The following ARHGAP17 variants were observed in gnomAD, a reference collection of about 807,000 sequenced individuals.
ARHGAP17 encodes the protein Rho GTPase activating protein 17, also known as rho GTPase-activating protein 17.
ARHGAP17 carries 57 observed loss-of-function variants against 99.5 expected under a neutral mutation model. That is an observed-to-expected ratio of 0.57 (90% CI 0.46 to 0.71). The LOEUF (loss-of-function observed/expected upper bound fraction) is 0.71. Ranked by LOEUF, ARHGAP17 falls within the 30% of genes least tolerant of loss-of-function variation. The pLI is 0.00. For missense variants in ARHGAP17, 1,000 were observed against 1,122.4 expected, an observed-to-expected ratio of 0.89 and a Z score of 1.56; for synonymous variants, 417 against 429.6, an observed-to-expected ratio of 0.97 and a Z score of 0.36.
At chr16:24,959,792 G>A in intron 8 of ARHGAP17, 40 bp from the exon 9 acceptor site, 1 of 1,609,528 alleles carries the variant, frequency 6.2e-7, no homozygotes, top group Non-Finnish European at 8.5e-7. Context: ...AGTAACGTTA[G>A]CATCGGATGG....
chr16:24,998,565 G>GT (rs1234266387), intron 1 of ARHGAP17, among the ~76,000 whole-genome samples: 2 of 152,166 alleles, frequency 1.3e-5, no homozygotes, highest in Non-Finnish European at 2.9e-5. Context: ...GTAGGGTGAA[G>GT]TAGGTTTCAG....
intron 15 of ARHGAP17, among the ~76,000 whole-genome samples, chr16:24,942,555 T>C (rs1328188145): frequency 2.0e-5 from 3 of 152,008 alleles, no homozygotes; most frequent in Non-Finnish European, 2.9e-5. Flanking sequence ...TCACTTGAGG[T>C]CAGGAGTTCA....
At chr16:24,971,665 A>C (rs909544113) in intron 3 of ARHGAP17, among the ~76,000 whole-genome samples, 1 of 152,238 alleles carries the variant, frequency 6.6e-6, no homozygotes, top group Non-Finnish European at 1.5e-5. Flanking sequence ...TCTAAAATGT[A>C]GCTTTATTTA....
intron 7 of ARHGAP17, among the ~76,000 whole-genome samples, chr16:24,961,366 T>C (rs893506343): frequency 4.0e-5 from 6 of 151,734 alleles, no homozygotes; most frequent in Admixed American, 2.0e-4. Flanking sequence ...AATTAAATAA[T>C]TTTGTGAACA....
intron 18 of ARHGAP17, among the ~76,000 whole-genome samples, chr16:24,934,114 C>T (rs1161787136): frequency 6.6e-6 from 1 of 152,146 alleles, no homozygotes; most frequent in Non-Finnish European, 1.5e-5. Flanking sequence ...TTGTGTAGTG[C>T]TTTGTAAAGA....
At chr16:25,014,909 A>G (rs1300874689) in intron 1 of ARHGAP17, among the ~76,000 whole-genome samples, 1 of 152,070 alleles carries the variant, frequency 6.6e-6, no homozygotes, top group Non-Finnish European at 1.5e-5. Context: ...CTACTCCCCG[A>G]GGGCGATGCT....
intron 1 of ARHGAP17, among the ~76,000 whole-genome samples, chr16:25,011,322 C>T (rs1483130608): frequency 5.9e-5 from 9 of 152,114 alleles, no homozygotes; most frequent in African/African-American, 2.2e-4. Flanking sequence ...TCCTGGGACT[C>T]GGGCCACAGT....
At chr16:24,967,520 C>T (rs1048054944) in intron 6 of ARHGAP17, among the ~76,000 whole-genome samples, 32 of 152,150 alleles carry the variant, frequency 2.1e-4, no homozygotes, top group African/African-American at 7.7e-4. Flanking sequence ...CTGATAGAAA[C>T]TCCACTGAGG....
intron 3 of ARHGAP17, among the ~76,000 whole-genome samples, chr16:24,974,701 C>T (rs545790895): frequency 6.6e-6 from 1 of 152,202 alleles, no homozygotes; most frequent in African/African-American, 2.4e-5. Flanking sequence ...AAATGTAGCT[C>T]AGGAGGTGAC....
rs980443597 is a variant in ARHGAP17, at chr16:24,930,978, G to A, written c.2321C>T (p.Pro774Leu). ...PPLGKQNPSL[P>L]APQTLAGGNP... is the part of the protein sequence containing the mutation. ...ACCCCCTGCCAGGGTCTGAGGAGCT[G>A]GCAGACTGGGGTTCTGTTTTCCTAG... Residue 774 changes from proline to leucine, a missense_variant, in exon 19 of 20, where the codon CCA becomes CTA. By Grantham distance (98) the Pro-to-Leu change is moderately conservative. This residue lies in a region of ARHGAP17 where 528 missense variants were observed against 511.4 expected (regional missense o/e 1.03). Transcript: ENST00000289968. 6.2e-7 allele frequency: 1 copy of A among 1,613,974 alleles called. No homozygotes were observed. Among genetic ancestry groups the A allele is most frequent in the African/African-American group, 1.3e-5 (1 of 75,000 alleles).
At chr16:24,924,157 T>C (rs1337203776) in intron 19 of ARHGAP17, among the ~76,000 whole-genome samples, 2 of 152,170 alleles carry the variant, frequency 1.3e-5, no homozygotes, top group South Asian at 2.1e-4. Flanking sequence ...TCTCAGGGAA[T>C]GCCTTCCTTC....
At chr16:24,994,695 G>T (rs4787298) in intron 1 of ARHGAP17, among the ~76,000 whole-genome samples, 64,898 of 151,866 alleles carry the variant, frequency 0.43, 14,140 homozygotes, top group East Asian at 0.52. Flanking sequence ...GTGTTACAGA[G>T]GAAGAAACTG....
At chr16:24,983,614 G>C in intron 1 of ARHGAP17, among the ~76,000 whole-genome samples, 1 of 152,140 alleles carries the variant, frequency 6.6e-6, no homozygotes. Context: ...TTTTGAATCA[G>C]ACATTTTGCT....
intron 9 of ARHGAP17, chr16:24,956,208 T>C (rs554357012): frequency 2.6e-5 from 4 of 152,362 alleles, no homozygotes; most frequent in African/African-American, 9.6e-5. Flanking sequence ...AACCCTGTAA[T>C]GCTAAGGGGC....
At chr16:24,949,177 A>C (rs776835425) in intron 13 of ARHGAP17, 1 of 396,322 alleles carries the variant, frequency 2.5e-6, no homozygotes, top group African/African-American at 2.1e-5. Context: ...GAAAATGATA[A>C]GCCAACTTAC....
intron 7 of ARHGAP17, among the ~76,000 whole-genome samples, chr16:24,962,768 TAAAA>T (rs2052049452): frequency 1.3e-5 from 2 of 152,090 alleles, no homozygotes; most frequent in African/African-American, 4.8e-5. Context: ...TAAAATGACT[TAAAA>T]GAAAGAAACA....
intron 1 of ARHGAP17, among the ~76,000 whole-genome samples, chr16:25,012,895 G>A (rs1174627383): frequency 1.3e-5 from 2 of 152,032 alleles, no homozygotes; most frequent in African/African-American, 4.8e-5. Flanking sequence ...TCCACTTCAT[G>A]TTTTCCCATA....
At chr16:24,965,180 A>G (rs909998935) in intron 6 of ARHGAP17, among the ~76,000 whole-genome samples, 1 of 146,522 alleles carries the variant, frequency 6.8e-6, no homozygotes. Context: ...CAGCAAGAAA[A>G]CCCACGTTGG....
At chr16:24,933,176 G>A (rs541175194) in intron 18 of ARHGAP17, among the ~76,000 whole-genome samples, 97 of 151,660 alleles carry the variant, frequency 6.4e-4, no homozygotes, top group East Asian at 9.7e-4. Flanking sequence ...CCTATTCCCC[G>A]GCTGCCTGTT....
Sources: allele counts gnomAD v4.1 joint callset (sites outside exome capture counted in the v4.1 genomes callset), GRCh38; gene constraint gnomAD v4.1.1; regional missense constraint gnomAD v4.1.1; transcripts MANE v1.5; gene names NCBI Gene and HGNC (gene_info 2026-07-23, HGNC 2026-07-21).